The following CYRIA variants were observed in gnomAD, a reference collection of about 807,000 sequenced individuals.
CYRIA encodes the protein CYFIP related Rac1 interactor A, also known as CYFIP-related Rac1 interactor A.
A neutral mutation model predicts 43.9 loss-of-function variants in CYRIA; 15 were observed. That is an observed-to-expected ratio of 0.34 (90% confidence interval 0.23 to 0.53). The LOEUF (loss-of-function observed/expected upper bound fraction) is 0.53. CYRIA is among the 20% of genes least tolerant of loss of function. The pLI, the probability that CYRIA is intolerant of heterozygous loss-of-function variation, is 0.94. For synonymous variants in CYRIA, 117 were observed against 136.0 expected (o/e 0.86, Z 0.97); for missense variants, 236 against 394.2 (o/e 0.60, Z 3.40).
At chr2:16,582,956 G>A (rs1207659462) in intron 3 of CYRIA, among the ~76,000 whole-genome samples, 1 of 152,126 alleles carries the variant, frequency 6.6e-6, no homozygotes, top group African/African-American at 2.4e-5. Flanking sequence ...CAAAGCAGAT[G>A]TACTATTTTA....
rs202214531 is a variant in CYRIA at position 16,554,366 on chromosome 2, T to TA, written c.908+702dup. ...CCAATTCTTGTAGATGTGTCAGAGC[T>TA]AAAAAAAGCATCCCCTCTCTGAAAT... On this transcript the variant is annotated intron_variant, in intron 11 of 11. Coordinates refer to ENST00000381323, the MANE Select transcript of CYRIA (RefSeq NM_030797.4). 5.3e-3 allele frequency among the ~76,000 whole-genome samples: 809 copies of TA among 152,106 alleles called. 8 individuals are homozygous for TA. Among genetic ancestry groups the TA allele is most frequent in the African/African-American group, 0.018 (748 of 41,490 alleles).
At chr2:16,610,922 A>ATATATATATATATATATATATATC in intron 2 of CYRIA, among the ~76,000 whole-genome samples, 1 of 64,396 alleles carries the variant, frequency 1.6e-5, no homozygotes, top group Non-Finnish European at 2.9e-5. Flanking sequence ...ATATATATAT[A>ATATATATATATATATATATATATC]TATATATATA....
intron 1 of CYRIA, among the ~76,000 whole-genome samples, chr2:16,625,927 C>T (rs1669148573): frequency 6.6e-6 from 1 of 151,754 alleles, no homozygotes; most frequent in South Asian, 2.1e-4. Flanking sequence ...AGCACAAATG[C>T]TGCTATTTTC....
In CYRIA at chr2:16,572,251, T is replaced by C. The variant is rs186241565; in HGVS notation, c.71-6484A>G. Among the ~76,000 whole-genome samples, 144 of 152,152 alleles carry C rather than the reference T, an allele frequency of 9.5e-4. 1 individual carries two copies. Among genetic ancestry groups the C allele is most frequent in the African/African-American group, 3.3e-3 (135 of 41,512 alleles). ...AGAGGGAAGCTAAGAATAGCCTGTC[T>C]CCTCCCTACCTGCAGGGTCATAATG... is the stretch of plus-strand genomic sequence containing the variant. On this transcript the variant is annotated intron_variant, in intron 3 of 11. Transcript: ENST00000381323.
At chr2:16,612,184 T>C (rs974024956) in intron 2 of CYRIA, among the ~76,000 whole-genome samples, 1 of 152,046 alleles carries the variant, frequency 6.6e-6, no homozygotes, top group East Asian at 1.9e-4. Flanking sequence ...GCTGAATGCA[T>C]GAAAGAATGA....
intron 3 of CYRIA, among the ~76,000 whole-genome samples, chr2:16,576,522 C>G (rs1023383523): frequency 8.5e-5 from 13 of 152,164 alleles, no homozygotes; most frequent in African/African-American, 3.1e-4. Flanking sequence ...GGATTGTCCT[C>G]CTGCAACTGT....
At chr2:16,587,096 T>A (rs976035716) in intron 3 of CYRIA, among the ~76,000 whole-genome samples, 1 of 152,098 alleles carries the variant, frequency 6.6e-6, no homozygotes, top group South Asian at 2.1e-4. Context: ...AAGAGAAACA[T>A]AACCTTTTGG....
rs773937839 is a variant in CYRIA, at chr2:16,561,272, G to A, written c.519C>T (p.Asp173=). ...TCTCATTATTGACTTCATTCTCAAT[G>A]TCTAGCTGATGAAAATAAGAAGAGA... The part of the protein sequence containing the change: ...SRNRINNMHL[D]IENEVNNEMA... Residue 173 remains aspartate (D), a synonymous_variant, in exon 8 of 12, where the codon GAC becomes GAT. Coordinates refer to ENST00000381323, the MANE Select transcript of CYRIA (RefSeq NM_030797.4). The A allele has an allele frequency of 1.2e-6, 2 of 1,605,372 alleles. No homozygotes were observed. Among genetic ancestry groups the A allele is most frequent in the African/African-American group, 1.3e-5 (1 of 74,734 alleles).
chr2:16,591,656 G>A (rs115378661), intron 2 of CYRIA, among the ~76,000 whole-genome samples: 1,983 of 152,178 alleles, frequency 0.013, 21 homozygotes, highest in Non-Finnish European at 0.02. Flanking sequence ...TGTTTCCATG[G>A]ATACCCTCTT....
intron 2 of CYRIA, among the ~76,000 whole-genome samples, chr2:16,618,936 GC>G (rs1039721588): frequency 1.1e-4 from 16 of 152,326 alleles, no homozygotes; most frequent in African/African-American, 3.8e-4. Context: ...TCTGCCTGAA[GC>G]CCCATAGGCT....
chr2:16,646,861 G>A (rs13422854), intron 1 of CYRIA, among the ~76,000 whole-genome samples: 1 of 152,132 alleles, frequency 6.6e-6, no homozygotes, highest in African/African-American at 2.4e-5. Flanking sequence ...GTGTCTTTAA[G>A]CTAGAAGATG....
intron 3 of CYRIA, among the ~76,000 whole-genome samples, chr2:16,578,577 T>G (rs1667434899): frequency 6.6e-6 from 1 of 152,166 alleles, no homozygotes; most frequent in Admixed American, 6.6e-5. Flanking sequence ...GTAATTGCTG[T>G]TTTTGCCATT....
intron 1 of CYRIA, among the ~76,000 whole-genome samples, chr2:16,656,922 A>G (rs895932707): frequency 2.0e-5 from 3 of 152,112 alleles, no homozygotes; most frequent in Non-Finnish European, 4.4e-5. Flanking sequence ...GAAACACTAG[A>G]GCTGTGGAAG....
chr2:16,625,524 C>A (rs891736541), intron 1 of CYRIA, among the ~76,000 whole-genome samples: 35 of 152,278 alleles, frequency 2.3e-4, no homozygotes, highest in African/African-American at 6.7e-4. Flanking sequence ...GAGCTGGGCC[C>A]TGCATTTTAG....
intron 1 of CYRIA, among the ~76,000 whole-genome samples, chr2:16,648,748 T>C (rs1669888771): frequency 2.0e-5 from 3 of 152,158 alleles, no homozygotes; most frequent in Non-Finnish European, 4.4e-5. Context: ...GTACTGAATA[T>C]CTACTATATA....
chr2:16,626,097 T>C (rs1669154888), intron 1 of CYRIA, among the ~76,000 whole-genome samples: 1 of 152,052 alleles, frequency 6.6e-6, no homozygotes, highest in South Asian at 2.1e-4. Flanking sequence ...TTGTAAAGAA[T>C]GACAGTCACC....
chr2:16,554,591 A>G (rs141165094), intron 11 of CYRIA, among the ~76,000 whole-genome samples: 38 of 152,326 alleles, frequency 2.5e-4, no homozygotes, highest in African/African-American at 7.0e-4. Flanking sequence ...CTGAGACCCT[A>G]GCCCAGAGAT....
chr2:16,549,849 A>C lies in CYRIA; in HGVS notation c.*3087T>G, dbSNP rs1666231344. 1 of 152,100 alleles carries C rather than the reference A, an allele frequency of 6.6e-6. No homozygotes were observed. Among genetic ancestry groups the C allele is most frequent in the South Asian group, 2.1e-4 (1 of 4,830 alleles). The allele number at this position is 152,100 out of a possible 1,614,324, so 9.4% of individuals were successfully genotyped here. A position where few individuals can be genotyped will look rare whatever the true frequency, so the allele number is the denominator to read the frequency against. ...CATCAGTAACCTCAGTTTACCATTA[A>C]GGTCTTAATTTAATGGTGATAACTA... is the stretch of plus-strand genomic sequence containing the variant. On this transcript the variant is annotated 3_prime_UTR_variant, in exon 12 of 12. Coordinates refer to ENST00000381323, the MANE Select transcript of CYRIA (RefSeq NM_030797.4).
At position 16,567,020 on chromosome 2, in the gene CYRIA, A is replaced by G. The variant is rs373535778; in HGVS notation, c.71-1253T>C. On this transcript the variant is annotated intron_variant, in intron 3 of 11. Coordinates refer to ENST00000381323, the MANE Select transcript of CYRIA (RefSeq NM_030797.4). The stretch of plus-strand genomic sequence containing the variant: ...CGAGTTTACACCTGGTCTAACCCTC[A>G]CCAGATCAAATCTCAGTTTTAACTA... 1.3e-3 allele frequency among the ~76,000 whole-genome samples: 195 copies of G among 152,298 alleles called. 2 individuals carry two copies. The highest frequency in any genetic ancestry group is 4.5e-3 in the African/African-American group (187 of 41,566).
Sources: allele counts gnomAD v4.1 joint callset (sites outside exome capture counted in the v4.1 genomes callset), GRCh38; gene constraint gnomAD v4.1.1; transcripts MANE v1.5; gene names NCBI Gene and HGNC (gene_info 2026-07-23, HGNC 2026-07-21).